The following MEI4 variants were observed in gnomAD, a reference collection of about 807,000 sequenced individuals.
The protein encoded by MEI4 is meiotic double-stranded break formation protein 4.
A neutral mutation model predicts 31.4 loss-of-function variants in MEI4; 27 were observed. The ratio of observed to expected loss-of-function variants is 0.86; its 90% CI spans 0.63 to 1.19. The LOEUF is 1.19. MEI4 is among the 50% of genes most tolerant of loss of function. The probability of loss-of-function intolerance (pLI) is 0.00; values close to 1 mark genes in which losing one functional copy is unlikely to be tolerated. For synonymous variants in MEI4, 122 were observed against 145.4 expected (o/e 0.84, Z 1.16); for missense variants, 329 against 398.9 (o/e 0.82, Z 1.49).
chr6:77,829,233 C>G (rs1770023750), intron 4 of MEI4, among the ~76,000 whole-genome samples, 171 bp downstream of exon 4: 1 of 152,062 alleles, frequency 6.6e-6, no homozygotes, highest in African/African-American at 2.4e-5. Flanking sequence ...AAGATACTTT[C>G]AGAAAACAGT....
chr6:77,658,758 G>A (rs1424207159), intron 1 of MEI4, among the ~76,000 whole-genome samples: 2 of 152,094 alleles, frequency 1.3e-5, no homozygotes, highest in Admixed American at 6.5e-5. Flanking sequence ...TACAAGGTCC[G>A]AATAAAAGAA....
At chr6:77,747,677 T>C (rs1258744639) in intron 2 of MEI4, among the ~76,000 whole-genome samples, 1 of 152,144 alleles carries the variant, frequency 6.6e-6, no homozygotes, top group Non-Finnish European at 1.5e-5. Flanking sequence ...ATTCCACCAC[T>C]GGTCCCTCTC....
chr6:77,819,127 G>A (rs892085425), intron 3 of MEI4, among the ~76,000 whole-genome samples: 3 of 152,052 alleles, frequency 2.0e-5, no homozygotes, highest in Non-Finnish European at 4.4e-5. Flanking sequence ...AATTGAATAG[G>A]TATAAAGTGA....
chr6:77,861,046 G>C (rs1770852376), intron 4 of MEI4, among the ~76,000 whole-genome samples: 1 of 152,106 alleles, frequency 6.6e-6, no homozygotes, highest in Non-Finnish European at 1.5e-5. Context: ...CAGTGTCTGA[G>C]GTAGAATTTC....
At chr6:77,747,728 C>G (rs765534214) in intron 2 of MEI4, among the ~76,000 whole-genome samples, 1 of 152,186 alleles carries the variant, frequency 6.6e-6, no homozygotes, top group Non-Finnish European at 1.5e-5. Flanking sequence ...ACAATCATCC[C>G]TTTGCAACAG....
At chr6:77,838,493 C>T (rs1278668652) in intron 4 of MEI4, among the ~76,000 whole-genome samples, 1 of 152,142 alleles carries the variant, frequency 6.6e-6, no homozygotes, top group Non-Finnish European at 1.5e-5. Context: ...AAGCTTTAAA[C>T]TCTGTAAACT....
At chr6:77,774,613 G>A (rs1308332274) in intron 3 of MEI4, among the ~76,000 whole-genome samples, 3 of 151,946 alleles carry the variant, frequency 2.0e-5, no homozygotes, top group African/African-American at 7.3e-5. Context: ...TAGAGTTGGA[G>A]TAAGAATTTT....
chr6:77,850,557 T>C (rs970002091), intron 4 of MEI4, among the ~76,000 whole-genome samples: 1 of 152,182 alleles, frequency 6.6e-6, no homozygotes, highest in Non-Finnish European at 1.5e-5. Context: ...ATTTAACAAA[T>C]GGTGCTGGGA....
chr6:77,920,403 TGATTATCTCAATA>T, intron 4 of MEI4, among the ~76,000 whole-genome samples: 1 of 152,132 alleles, frequency 6.6e-6, no homozygotes, highest in Non-Finnish European at 1.5e-5. Flanking sequence ...AAAAACCACA[TGATTATCTCAATA>T]GATCCACCTC....
At chr6:77,799,263 C>A (rs552667038) in intron 3 of MEI4, among the ~76,000 whole-genome samples, 9 of 151,980 alleles carry the variant, frequency 5.9e-5, no homozygotes, top group East Asian at 1.9e-4. Context: ...GCATTTTTTC[C>A]TGTGTTTTTT....
rs186726862 is a variant in MEI4 at position 77,868,691 on chromosome 6, G to A, written c.900+39629G>A. ...GATCAAAAATAAAGGAAGGTAAGAA[G>A]CCATATCTAAACTTATTTTCCTCAG... On this transcript the variant is annotated intron_variant, in intron 4 of 4. Coordinates refer to ENST00000684080, the MANE Select transcript of MEI4 (RefSeq NM_001322247.2). 2.6e-5 allele frequency among the ~76,000 whole-genome samples: 4 copies of A among 151,552 alleles called. No homozygotes were observed. The East Asian group carries it at 7.8e-4, about 29-fold the overall frequency.
At chr6:77,794,126 G>A (rs1161354895) in intron 3 of MEI4, among the ~76,000 whole-genome samples, 3 of 152,256 alleles carry the variant, frequency 2.0e-5, no homozygotes, top group East Asian at 3.9e-4. Flanking sequence ...CATTCAGATA[G>A]TAAATAAAGG....
chr6:77,789,039 C>G (rs917020353), intron 3 of MEI4, among the ~76,000 whole-genome samples: 4 of 152,206 alleles, frequency 2.6e-5, no homozygotes, highest in Non-Finnish European at 5.9e-5. Context: ...TAGCATGGTA[C>G]TGGTACCAAA....
rs188547748 is a variant in MEI4 at position 77,680,390 on chromosome 6, G to A, written c.-14-10268G>A. ...GTCGCATGGATCTTATGAATTGATG[G>A]GTTTTCAGTGGAGAAGAGCAACTTC... On this transcript the variant is annotated intron_variant, in intron 1 of 4. Transcript: ENST00000684080. Among the ~76,000 whole-genome samples the A allele has an allele frequency of 9.0e-4, 137 of 152,188 alleles. 1 individual carries two copies. In the Middle Eastern group the frequency reaches 0.027, roughly 30 times the overall value.
intron 4 of MEI4, among the ~76,000 whole-genome samples, chr6:77,852,480 T>G (rs555561859): frequency 1.3e-5 from 2 of 152,306 alleles, no homozygotes; most frequent in South Asian, 4.1e-4. Context: ...TCTTATTCTA[T>G]TCACACTCAT....
In MEI4 at chr6:77,923,227, C is replaced by T. The variant is rs145391833; in HGVS notation, c.1039C>T (p.Leu347Phe). ...GHDDQEIKKF[L>F]QKHDETIFQL... ...TGATGACCAAGAAATCAAGAAATTTCTTCAGAAGCATGATGAAACTATTTT... is the reference window on the plus strand; with the variant it reads ...TGATGACCAAGAAATCAAGAAATTTTTTCAGAAGCATGATGAAACTATTTT... Residue 347 changes from leucine to phenylalanine, a missense_variant, in exon 5 of 5, where the codon CTT (leucine) becomes TTT (phenylalanine). By Grantham distance (22) the Leu-to-Phe change is conservative (BLOSUM62 0). Coordinates refer to ENST00000684080, the MANE Select transcript of MEI4 (RefSeq NM_001322247.2). The T allele has an allele frequency of 5.7e-5, 70 of 1,230,546 alleles. No individual in the cohort carries two copies. The Middle Eastern group carries it at 1.6e-3, about 27-fold the overall frequency. The allele number at this position is 1,230,546 out of a possible 1,614,324, so 76.2% of individuals were successfully genotyped here.
chr6:77,880,654 G>A (rs1339553670), intron 4 of MEI4, among the ~76,000 whole-genome samples: 13 of 152,046 alleles, frequency 8.6e-5, no homozygotes, highest in African/African-American at 4.8e-5. Context: ...GTACCCAAGC[G>A]TTCTTGACCT....
At chr6:77,841,329 A>ATTT (rs1770354810) in intron 4 of MEI4, among the ~76,000 whole-genome samples, 1 of 36,960 alleles carries the variant, frequency 2.7e-5, no homozygotes, top group Non-Finnish European at 4.2e-5. Context: ...ATATATATAT[A>ATTT]TATATTTTTT....
intron 1 of MEI4, among the ~76,000 whole-genome samples, chr6:77,653,576 A>G (rs1768336028): frequency 1.3e-5 from 2 of 152,190 alleles, no homozygotes; most frequent in Non-Finnish European, 2.9e-5. Flanking sequence ...TTTACAATCA[A>G]TTTTATTGTT....
Sources: gnomAD v4.1 joint callset for allele counts (sites outside exome capture counted in the v4.1 genomes callset) on GRCh38, gnomAD v4.1.1 for gene constraint, MANE v1.5 for transcripts, NCBI Gene and HGNC (gene_info 2026-07-23, HGNC 2026-07-21) for gene names.